Variants in TBXAS1 observed in about 807,000 individuals in gnomAD.
TBXAS1 encodes the protein thromboxane A synthase 1, also known as thromboxane-A synthase.
A neutral mutation model predicts 60.7 loss-of-function variants in TBXAS1; 48 were observed. The ratio of observed to expected loss-of-function variants is 0.79; its 90% CI spans 0.63 to 1.01. TBXAS1 has a LOEUF of 1.01. TBXAS1 is among the 50% of genes least tolerant of loss of function. TBXAS1 has a pLI of 0.00. For synonymous variants in TBXAS1, 287 were observed against 269.7 expected, an observed-to-expected ratio of 1.06 and a Z score of -0.63; for missense variants, 685 against 686.3, an observed-to-expected ratio of 1.00 and a Z score of 0.02.
chr7:139,890,883 A>C (rs1489347571), intron 3 of TBXAS1, among the ~76,000 whole-genome samples: 3 of 151,606 alleles, frequency 2.0e-5, no homozygotes, highest in Non-Finnish European at 4.4e-5. Flanking sequence ...CAACCATTCC[A>C]ATTGTGTTTA....
Position 139,999,634 on chromosome 7 carries a change from T to A in TBXAS1, c.1135-7457T>A, listed in dbSNP as rs1813530064. 6.6e-6 allele frequency among the ~76,000 whole-genome samples: 1 copy of A among 152,184 alleles called. No homozygotes were observed. The highest frequency in any genetic ancestry group is 2.1e-4 in the South Asian group (1 of 4,824). ...TTGGTTTCATATTATAGTCCCACGGTCCCTGGAGAATCAGAGTGAATGGAA... is the reference window on the plus strand; with the variant it reads ...TTGGTTTCATATTATAGTCCCACGGACCCTGGAGAATCAGAGTGAATGGAA... On this transcript the variant is annotated intron_variant, in intron 9 of 12. Transcript: ENST00000448866. The surrounding 1 kb of genome is among the most constrained non-coding windows in gnomAD (Gnocchi z 4.3).
intron 10 of TBXAS1, among the ~76,000 whole-genome samples, chr7:140,009,326 C>T (rs534859559): frequency 6.6e-6 from 1 of 152,140 alleles, no homozygotes; most frequent in African/African-American, 2.4e-5. Flanking sequence ...ACTGCGTGAT[C>T]GTGAGCCTCA....
rs545304002 is a variant in TBXAS1, at chr7:139,875,431, A to G, written c.184-154A>G. 1.1e-3 allele frequency among the ~76,000 whole-genome samples: 172 copies of G among 152,332 alleles called. 1 individual carries two copies. The Middle Eastern group carries it at 0.014, about 12-fold the overall frequency. On this transcript the variant is annotated intron_variant, in intron 2 of 12. Transcript: ENST00000448866. Reference sequence around the variant, plus strand: ...TTTTTTAAAGCCTTTTGTTTATTCCAATGTTTCAAAGTACCTGAAAGCAAT... The same window carrying G: ...TTTTTTAAAGCCTTTTGTTTATTCCGATGTTTCAAAGTACCTGAAAGCAAT...
chr7:140,009,255 G>C (rs1814331952), intron 10 of TBXAS1, among the ~76,000 whole-genome samples: 1 of 152,216 alleles, frequency 6.6e-6, no homozygotes, highest in African/African-American at 2.4e-5. Context: ...GAAGTAGTTA[G>C]AATTCATCTA....
intron 4 of TBXAS1, chr7:139,797,294 G>A (rs1048032812): frequency 6.6e-6 from 1 of 152,172 alleles, no homozygotes; most frequent in African/African-American, 2.4e-5. Flanking sequence ...AGTGGGTCCA[G>A]GTTCAGTGTT....
At position 139,835,223 on chromosome 7, in the gene TBXAS1, C is replaced by T. The variant is rs183890549; in HGVS notation, c.89+5744C>T. Among the ~76,000 whole-genome samples, 386 of 152,188 alleles carry T rather than the reference C, an allele frequency of 2.5e-3. 2 individuals are homozygous for T. Among genetic ancestry groups the T allele is most frequent in the African/African-American group, 8.6e-3 (358 of 41,524 alleles). On this transcript the variant is annotated intron_variant, in intron 1 of 12. Transcript: ENST00000448866. ...CTGGCACTACAGGTGCCCGCCACCA[C>T]GCTGGCTAATTTTTTGTATTTTTTT...
chr7:139,889,343 TC>T (rs1418725676), intron 3 of TBXAS1, among the ~76,000 whole-genome samples: 10 of 151,008 alleles, frequency 6.6e-5, no homozygotes, highest in African/African-American at 2.4e-4. Context: ...AAAGAAAATG[TC>T]CTAAAAATGC....
rs1801367671 is a variant in TBXAS1 at position 139,865,843 on chromosome 7, A to AG, written c.90-6391dup. ...AGGGAGGGAGGGAGGGGGGAAAGGA[A>AG]GAAGGAAGGAGGGAGGGAGGAAGGA... On this transcript the variant is annotated intron_variant, in intron 1 of 12. Transcript: ENST00000448866. 1.3e-4 allele frequency among the ~76,000 whole-genome samples: 12 copies of AG among 93,204 alleles called. 1 individual carries two copies. Among genetic ancestry groups the AG allele is most frequent in the African/African-American group, 5.4e-4 (12 of 22,054 alleles). 61.1% of individuals were successfully genotyped at this position (93,204 alleles called of 152,430 possible).
chr7:140,017,548 A>T, intron 11 of TBXAS1, 123 bp from the exon 12 acceptor site: 1 of 1,317,716 alleles, frequency 7.6e-7, no homozygotes, highest in Non-Finnish European at 1.0e-6. Flanking sequence ...ATGAGCAGCC[A>T]TCAGCTCCCA....
intron 3 of TBXAS1, among the ~76,000 whole-genome samples, chr7:139,909,391 A>G (rs1805344557): frequency 6.6e-6 from 1 of 152,220 alleles, no homozygotes; most frequent in Non-Finnish European, 1.5e-5. Context: ...AAAAGACTCC[A>G]TGACCCTCAC....
chr7:139,906,983 A>G (rs1300503606), intron 3 of TBXAS1, among the ~76,000 whole-genome samples: 1 of 152,212 alleles, frequency 6.6e-6, no homozygotes, highest in Admixed American at 6.5e-5. Flanking sequence ...TCATCTCAAA[A>G]TAGGGACAAT....
At chr7:139,984,902 AGAAAG>A (rs1812312972) in intron 9 of TBXAS1, among the ~76,000 whole-genome samples, 1 of 136,646 alleles carries the variant, frequency 7.3e-6, no homozygotes, top group African/African-American at 2.7e-5. Flanking sequence ...CAGCAAAGAA[AGAAAG>A]GAAAGAAAGA....
chr7:139,830,040 A>G (rs999304528), intron 1 of TBXAS1, among the ~76,000 whole-genome samples: 1 of 152,202 alleles, frequency 6.6e-6, no homozygotes, highest in African/African-American at 2.4e-5. Flanking sequence ...TGCAGCTCCT[A>G]CAAAATTTGA....
intron 1 of TBXAS1, among the ~76,000 whole-genome samples, chr7:139,850,893 T>C (rs760161582): frequency 3.1e-4 from 47 of 152,284 alleles, no homozygotes; most frequent in Admixed American, 1.4e-3. Flanking sequence ...TCCCTTCGTG[T>C]CTTCAGAGGG....
chr7:139,861,469 ACTC>A (rs886815791), intron 1 of TBXAS1, among the ~76,000 whole-genome samples: 1 of 147,846 alleles, frequency 6.8e-6, no homozygotes, highest in Non-Finnish European at 1.5e-5. Flanking sequence ...GCTGGTCTGA[ACTC>A]CTGACCTCAA....
At chr7:140,011,301 CAAAA>C (rs1247223658) in intron 10 of TBXAS1, among the ~76,000 whole-genome samples, 9 of 79,860 alleles carry the variant, frequency 1.1e-4, no homozygotes, top group South Asian at 4.2e-4. Flanking sequence ...AACAAACAAA[CAAAA>C]AAAACAGTCC....
intron 3 of TBXAS1, among the ~76,000 whole-genome samples, chr7:139,786,372 A>T (rs1797198249): frequency 6.6e-6 from 1 of 152,166 alleles, no homozygotes; most frequent in Non-Finnish European, 1.5e-5. Context: ...GTATACTTCT[A>T]GACAGCTTTG....
intron 5 of TBXAS1, among the ~76,000 whole-genome samples, chr7:139,940,512 G>A (rs1461201648): frequency 6.6e-6 from 1 of 152,118 alleles, no homozygotes; most frequent in Non-Finnish European, 1.5e-5. Flanking sequence ...GAAAGATTCT[G>A]CTGAGAGCCA....
At chr7:139,978,435 A>G (rs1811712906) in intron 9 of TBXAS1, among the ~76,000 whole-genome samples, 1 of 151,808 alleles carries the variant, frequency 6.6e-6, no homozygotes, top group Admixed American at 6.6e-5. Context: ...GCTTGAAACC[A>G]GAAGGCAGAG....
Sources: gnomAD v4.1 joint callset for allele counts (sites outside exome capture counted in the v4.1 genomes callset) on GRCh38, gnomAD v4.1.1 for gene constraint, Gnocchi (gnomAD v3.1) non-coding constraint, MANE v1.5 for transcripts, NCBI Gene and HGNC (gene_info 2026-07-23, HGNC 2026-07-21) for gene names.